SMPD3: variants seen among roughly 807,000 people sequenced by gnomAD.
SMPD3 encodes the protein nSMase-2.
A neutral mutation model predicts 55.7 loss-of-function variants in SMPD3; 21 were observed. That is an observed-to-expected ratio of 0.38 (90% CI 0.27 to 0.54). The LOEUF (loss-of-function observed/expected upper bound fraction) is 0.54. Among genes scored for constraint, SMPD3 ranks in the 20% least tolerant of loss-of-function variants. SMPD3 has a pLI of 0.80. For missense variants in SMPD3, 842 were observed against 899.6 expected (o/e 0.94, Z 0.82); for synonymous variants, 457 against 404.3 (o/e 1.13, Z -1.56).
intron 1 of SMPD3, among the ~76,000 whole-genome samples, chr16:68,414,939 G>C (rs1445351156): frequency 6.6e-6 from 1 of 152,256 alleles, no homozygotes; most frequent in African/African-American, 2.4e-5. Context: ...GGCCTAGCAG[G>C]GGGTCTTTCA....
chr16:68,427,972 G>C (rs551126875), intron 1 of SMPD3, among the ~76,000 whole-genome samples: 1 of 152,126 alleles, frequency 6.6e-6, no homozygotes, highest in Non-Finnish European at 1.5e-5. Context: ...ACTTCAGAGA[G>C]GGGAGGGTCT....
chr16:68,424,964 G>A (rs2090424339), intron 1 of SMPD3, among the ~76,000 whole-genome samples: 1 of 152,176 alleles, frequency 6.6e-6, no homozygotes, highest in Non-Finnish European at 1.5e-5. Context: ...TGCCCACCTT[G>A]GCCTCCCAAA....
chr16:68,369,313 G>A (rs1443803884), intron 3 of SMPD3: 1 of 152,000 alleles, frequency 6.6e-6, no homozygotes, highest in African/African-American at 2.4e-5. Context: ...AAGATGAAAA[G>A]AACTTTCAGG....
intron 1 of SMPD3, among the ~76,000 whole-genome samples, chr16:68,386,982 G>C (rs1821311831): frequency 6.6e-6 from 1 of 152,220 alleles, no homozygotes; most frequent in Admixed American, 6.5e-5. Context: ...CCAGGCGCAG[G>C]GGGTGCGGGG....
rs1291219938 is a variant in SMPD3 at position 68,372,027 on chromosome 16, G to A, written c.155C>T (p.Pro52Leu). The A allele has an allele frequency of 1.6e-5, 25 of 1,611,016 alleles. No individual in the cohort carries two copies. The highest frequency in any genetic ancestry group is 2.2e-5 in the East Asian group (1 of 44,712). ...AGTGCAGAGCAGCTGCAGGCAGCAC[G>A]GGTCGTCTGCCCGCTGGCGCTTCTC... ...TYEKRQRADD[P>L]CCLQLLCTAL... is the part of the protein sequence containing the mutation. Residue 52 changes from proline (P) to leucine (L), a missense_variant, in exon 3 of 9, where the codon CCG becomes CTG. Around this residue, in one of 2 missense-constraint regions of SMPD3, gnomAD observed 193 missense variants for 256.0 expected, o/e 0.75. Transcript: ENST00000219334.
rs1028976043 is a variant in SMPD3 at position 68,408,175 on chromosome 16, A to G, written c.-268-21516T>C. Among the ~76,000 whole-genome samples the G allele has an allele frequency of 1.1e-4, 17 of 152,362 alleles. No homozygotes were observed. In the East Asian group the frequency reaches 3.3e-3, roughly 29 times the overall value. On this transcript the variant is annotated intron_variant, in intron 1 of 8. Coordinates refer to ENST00000219334, the MANE Select transcript of SMPD3 (RefSeq NM_018667.4). ...CTACTAAAATGAACAAAGTATGCCA[A>G]TTCATGGATTTTTAAAACATTATTA...
At chr16:68,377,196 TC>T (rs1035246236) in intron 2 of SMPD3, among the ~76,000 whole-genome samples, 1 of 152,202 alleles carries the variant, frequency 6.6e-6, no homozygotes, top group African/African-American at 2.4e-5. Flanking sequence ...TTGTGGCTGT[TC>T]CCTGCAGTGG....
In SMPD3 at chr16:68,360,239, C is replaced by G. The variant is rs1297010001; in HGVS notation, c.*967G>C. On this transcript the variant is annotated 3_prime_UTR_variant, in exon 9 of 9. Coordinates refer to ENST00000219334, the MANE Select transcript of SMPD3 (RefSeq NM_018667.4). ...GGTGTCCCGTGGGGGAGAGGATTGG[C>G]AGAAAGAAGAGGATGTGTTGGTTTT... is the stretch of plus-strand genomic sequence containing the variant. 2 of 152,430 alleles carry G rather than the reference C, an allele frequency of 1.3e-5. No homozygotes were observed. Among genetic ancestry groups the G allele is most frequent in the Non-Finnish European group, 2.9e-5 (2 of 68,054 alleles). The allele number at this position is 152,430 out of a possible 1,614,324, so 9.4% of individuals were successfully genotyped here.
At chr16:68,446,539 T>C (rs1283547315) in intron 1 of SMPD3, among the ~76,000 whole-genome samples, 6 of 151,802 alleles carry the variant, frequency 4.0e-5, no homozygotes, top group African/African-American at 1.5e-4. Flanking sequence ...GCGCAAGCTC[T>C]GGCCGTGCCA....
chr16:68,371,768 G>T lies in SMPD3; in HGVS notation c.414C>A (p.Leu138=). The T allele has an allele frequency of 6.2e-7, 1 of 1,611,024 alleles. No individual in the cohort carries two copies. Among genetic ancestry groups the T allele is most frequent in the Non-Finnish European group, 8.5e-7 (1 of 1,178,862 alleles). The change falls in exon 3 of 9, where the codon CTC becomes CTA. Residue 138 remains leucine, a synonymous_variant. Transcript: ENST00000219334. The part of the protein sequence containing the change: ...TANVCLLPDS[L]ARVNNLFNTQ... Reference sequence around the variant, plus strand: ...TGTTAAAAAGGTTGTTGACCCTGGCGAGTGAGTCGGGCAGGAGGCAGACGT... The same window carrying T: ...TGTTAAAAAGGTTGTTGACCCTGGCTAGTGAGTCGGGCAGGAGGCAGACGT...
At chr16:68,363,617 G>A in intron 6 of SMPD3, 58 bp from the exon 7 acceptor site, 2 of 1,543,958 alleles carry the variant, frequency 1.3e-6, no homozygotes, top group Admixed American at 3.4e-5. Context: ...GCAGCCTCTA[G>A]GGGGTGGCCT....
At chr16:68,401,642 G>T (rs1470573392) in intron 1 of SMPD3, among the ~76,000 whole-genome samples, 1 of 152,114 alleles carries the variant, frequency 6.6e-6, no homozygotes, top group African/African-American at 2.4e-5. Context: ...CCAATAGCCT[G>T]GTTCCAGGAA....
intron 1 of SMPD3, among the ~76,000 whole-genome samples, chr16:68,406,528 T>C (rs1467200447): frequency 6.6e-6 from 1 of 152,184 alleles, no homozygotes; most frequent in Non-Finnish European, 1.5e-5. Flanking sequence ...GAGGGAAGCC[T>C]GTCGCCCTCG....
At position 68,445,119 on chromosome 16, in the gene SMPD3, T is replaced by C. The variant is rs115153604; in HGVS notation, c.-269+3234A>G. On this transcript the variant is annotated intron_variant, in intron 1 of 8. Transcript: ENST00000219334. ...CTGTCATTAGGCCTGGAAAGCCGTA[T>C]TTGCAGCTTTTTGCATTTGGTAATA... is the stretch of plus-strand genomic sequence containing the variant. 4.4e-3 allele frequency among the ~76,000 whole-genome samples: 668 copies of C among 152,368 alleles called. 6 individuals are homozygous for C. The highest frequency in any genetic ancestry group is 0.015 in the African/African-American group (635 of 41,588).
intron 1 of SMPD3, among the ~76,000 whole-genome samples, chr16:68,419,039 C>T (rs921883101): frequency 7.9e-5 from 12 of 151,946 alleles, no homozygotes; most frequent in African/African-American, 2.9e-4. Context: ...CAGGGCAGGC[C>T]CCAGTATGGT....
intron 1 of SMPD3, among the ~76,000 whole-genome samples, chr16:68,435,609 T>G (rs924918701): frequency 1.0e-4 from 14 of 139,308 alleles, no homozygotes; most frequent in African/African-American, 2.2e-4. Flanking sequence ...CTGGCTGGGG[T>G]GGGAGGGACA....
chr16:68,394,773 G>A (rs1433976579), intron 1 of SMPD3, among the ~76,000 whole-genome samples: 3 of 152,030 alleles, frequency 2.0e-5, no homozygotes, highest in Non-Finnish European at 4.4e-5. Context: ...TTTTTTGCTT[G>A]TTTGTTTAAA....
chr16:68,363,413 T>C (rs1476744637), intron 7 of SMPD3, 83 bp downstream of exon 7: 2 of 1,482,664 alleles, frequency 1.3e-6, no homozygotes, highest in East Asian at 2.3e-5. Context: ...CGAGCTGAGC[T>C]CTCCCATGTG....
chr16:68,434,198 T>C (rs1171308234), intron 1 of SMPD3, among the ~76,000 whole-genome samples: 2 of 152,250 alleles, frequency 1.3e-5, no homozygotes, highest in Non-Finnish European at 2.9e-5. Flanking sequence ...ATATTACTCC[T>C]TTCCGTTGTT....
Sources: gnomAD v4.1 joint callset for allele counts (sites outside exome capture counted in the v4.1 genomes callset) on GRCh38, gnomAD v4.1.1 for gene constraint, gnomAD v4.1.1 regional missense constraint, MANE v1.5 for transcripts, NCBI Gene and HGNC (gene_info 2026-07-23, HGNC 2026-07-21) for gene names.